MIER1: variants seen among roughly 807,000 people sequenced by gnomAD.
The protein encoded by MIER1 is mesoderm induction early response protein 1.
A neutral mutation model predicts 75.7 loss-of-function variants in MIER1; 40 were observed. That is an observed-to-expected ratio of 0.53 (90% CI 0.41 to 0.69). The LOEUF is 0.69. Among genes scored for constraint, MIER1 ranks in the 30% least tolerant of loss-of-function variants. The pLI, the probability that MIER1 is intolerant of heterozygous loss-of-function variation, is 0.00. For missense variants in MIER1, 574 were observed against 680.2 expected (o/e 0.84, Z 1.74); for synonymous variants, 213 against 223.4 (o/e 0.95, Z 0.42).
intron 2 of MIER1, among the ~76,000 whole-genome samples, chr1:66,930,618 G>C (rs936713970): frequency 1.3e-5 from 2 of 152,104 alleles, no homozygotes; most frequent in South Asian, 2.1e-4. Flanking sequence ...CTTGGACTTC[G>C]GGGGCAGTTT....
chr1:66,966,567 G>C (rs1239602188), intron 8 of MIER1, among the ~76,000 whole-genome samples: 2 of 152,182 alleles, frequency 1.3e-5, no homozygotes, highest in Non-Finnish European at 2.9e-5. Flanking sequence ...GGGATGGCTG[G>C]GTCAAATGGT....
At chr1:66,960,584 AGG>A (rs1393593379) in intron 7 of MIER1, among the ~76,000 whole-genome samples, 1 of 152,168 alleles carries the variant, frequency 6.6e-6, no homozygotes, top group African/African-American at 2.4e-5. Context: ...AGGCTGAGGT[AGG>A]GAGAATCACT....
intron 2 of MIER1, among the ~76,000 whole-genome samples, chr1:66,931,848 CAGTT>C (rs200607054): frequency 0.025 from 3,759 of 152,144 alleles, 60 homozygotes; most frequent in Non-Finnish European, 0.04. Context: ...TACATTTTGT[CAGTT>C]AGTGTCTTCA....
At position 66,985,092 on chromosome 1, in the gene MIER1, T is replaced by C. The variant is rs1231389831; in HGVS notation, c.*192T>C. ...TTTACTTTAAAGCTGTCAGACTCTT[T>C]TAAGGGTATTTTAAAAATTAGTAAA... On this transcript the variant is annotated 3_prime_UTR_variant, in exon 14 of 14. Transcript: ENST00000401041. The C allele has an allele frequency of 8.6e-6, 11 of 1,278,546 alleles. No homozygotes were observed. The highest frequency in any genetic ancestry group is 9.9e-6 in the Non-Finnish European group (10 of 1,007,326). 79.2% of individuals were successfully genotyped at this position (1,278,546 alleles called of 1,614,324 possible).
Position 66,958,057 on chromosome 1 carries a change from A to G in MIER1, c.340-2A>G. 2 of 1,567,564 alleles carry G rather than the reference A, an allele frequency of 1.3e-6. No individual in the cohort carries two copies. Reference sequence around the variant, plus strand: ...GATTACCTTTTATTTTGATTTATTTAGGAAGGCGACATGCCAATTCATGAA... The same window carrying G: ...GATTACCTTTTATTTTGATTTATTTGGGAAGGCGACATGCCAATTCATGAA... On this transcript the variant is annotated splice_acceptor_variant, in intron 4 of 13. Transcript: ENST00000401041. LOFTEE classifies it high-confidence loss of function.
At chr1:66,982,025 T>A in intron 13 of MIER1, 107 bp downstream of exon 13, 1 of 1,088,696 alleles carries the variant, frequency 9.2e-7, no homozygotes, top group Non-Finnish European at 1.4e-6. Flanking sequence ...GAGCAGAAAG[T>A]AAAAAATGAT....
intron 2 of MIER1, among the ~76,000 whole-genome samples, chr1:66,932,087 A>T (rs1010809951): frequency 6.6e-6 from 1 of 152,192 alleles, no homozygotes; most frequent in African/African-American, 2.4e-5. Flanking sequence ...TTGCCGAGGG[A>T]ACTAAAAAAT....
rs1207308785 is a variant in MIER1 at position 66,930,283 on chromosome 1, G to A, written c.168+4041G>A. ...TCCCGCCGAGGCAGTGGCGGCGGGAGCGGCAGAGACGGCAGCGGCCGGAGT... is the reference window on the plus strand; with the variant it reads ...TCCCGCCGAGGCAGTGGCGGCGGGAACGGCAGAGACGGCAGCGGCCGGAGT... On this transcript the variant is annotated intron_variant, in intron 2 of 13. Coordinates refer to ENST00000401041, the MANE Select transcript of MIER1 (RefSeq NM_001077700.3). The A allele has an allele frequency of 5.2e-6, 8 of 1,544,462 alleles. No individual in the cohort carries two copies. The African/African-American group carries it at 5.7e-5, about 11-fold the overall frequency.
At chr1:66,949,391 C>G (rs562252649) in intron 4 of MIER1, among the ~76,000 whole-genome samples, 1 of 152,176 alleles carries the variant, frequency 6.6e-6, no homozygotes, top group South Asian at 2.1e-4. Context: ...TTCCTTTCCC[C>G]AGCCCCATAT....
chr1:66,974,189 G>A (rs1009065081), intron 11 of MIER1, among the ~76,000 whole-genome samples: 1 of 151,740 alleles, frequency 6.6e-6, no homozygotes. Context: ...GCAGTTTACC[G>A]CAGATAACAC....
At chr1:66,955,172 A>T (rs1482725006) in intron 4 of MIER1, among the ~76,000 whole-genome samples, 1 of 152,066 alleles carries the variant, frequency 6.6e-6, no homozygotes, top group African/African-American at 2.4e-5. Flanking sequence ...TTTGACAAAT[A>T]TTTGAGCTGG....
intron 4 of MIER1, among the ~76,000 whole-genome samples, chr1:66,952,861 T>G (rs1314267557): frequency 6.6e-6 from 1 of 152,152 alleles, no homozygotes; most frequent in Non-Finnish European, 1.5e-5. Flanking sequence ...CCCAGGCTGG[T>G]CTCGAACTCC....
intron 3 of MIER1, among the ~76,000 whole-genome samples, chr1:66,942,449 A>T (rs1292630986): frequency 1.3e-5 from 2 of 152,168 alleles, no homozygotes; most frequent in Admixed American, 1.3e-4. Context: ...TACAAACTGA[A>T]TTTACCTTTG....
At position 66,959,721 on chromosome 1, in the gene MIER1, T is replaced by G; in HGVS notation, c.677T>G (p.Ile226Ser). ...EEESEEDEDY[I>S]PSEDWKKEIM... ...GAATCTGAAGAAGATGAAGATTATA[T>G]TCCATCAGAAGACTGGAAAAAGGTA... The change falls in exon 7 of 14, where the codon ATT becomes AGT. Residue 226 changes from isoleucine to serine, a missense_variant. By Grantham distance (142) the Ile-to-Ser change is moderately radical. Around this residue, in one of 3 missense-constraint regions of MIER1, gnomAD observed 309 missense variants for 352.8 expected, o/e 0.88. Coordinates refer to ENST00000401041, the MANE Select transcript of MIER1 (RefSeq NM_001077700.3). 2.1e-6 allele frequency: 3 copies of G among 1,434,556 alleles called. No individual in the cohort carries two copies. The highest frequency in any genetic ancestry group is 1.5e-5 in the African/African-American group (1 of 67,584). The allele number at this position is 1,434,556 out of a possible 1,614,324, so 88.9% of individuals were successfully genotyped here. A position where few individuals can be genotyped will look rare whatever the true frequency, so the allele number is the denominator to read the frequency against.
chr1:66,966,247 C>G (rs188581362), intron 8 of MIER1, among the ~76,000 whole-genome samples: 1 of 152,180 alleles, frequency 6.6e-6, no homozygotes, highest in Non-Finnish European at 1.5e-5. Context: ...CAAGTGTTCT[C>G]ATTGTTCACT....
intron 13 of MIER1, 40 bp from the exon 14 acceptor site, chr1:66,984,523 ATTTAACTTT>A: frequency 7.2e-7 from 1 of 1,391,138 alleles, no homozygotes; most frequent in Admixed American, 2.3e-5. Context: ...TAGTTTGCAA[ATTTAACTTT>A]TTTCTAATTG....
At chr1:66,956,792 T>G (rs1290070197) in intron 4 of MIER1, among the ~76,000 whole-genome samples, 3 of 152,228 alleles carry the variant, frequency 2.0e-5, no homozygotes, top group African/African-American at 7.2e-5. Context: ...TAATGGGAAA[T>G]AGAAGTTTTG....
At chr1:66,970,293 A>G (rs1663338933) in intron 8 of MIER1, among the ~76,000 whole-genome samples, 1 of 152,210 alleles carries the variant, frequency 6.6e-6, no homozygotes, top group Non-Finnish European at 1.5e-5. Context: ...AGTAAAATTT[A>G]CTTCAAATCC....
In MIER1 at chr1:66,985,296, A is replaced by C. The variant is rs1217772300; in HGVS notation, c.*396A>C. Reference sequence around the variant, plus strand: ...TTGCTTAGTTTGATGGATGAATGGGAAACTCAAGTCCAAATTTCTGCTTAA... The same window carrying C: ...TTGCTTAGTTTGATGGATGAATGGGCAACTCAAGTCCAAATTTCTGCTTAA... On this transcript the variant is annotated 3_prime_UTR_variant, in exon 14 of 14. Coordinates refer to ENST00000401041, the MANE Select transcript of MIER1 (RefSeq NM_001077700.3). 2 of 985,196 alleles carry C rather than the reference A, an allele frequency of 2.0e-6. No homozygotes were observed. The highest frequency in any genetic ancestry group is 2.4e-6 in the Non-Finnish European group (2 of 829,696). 61.0% of individuals were successfully genotyped at this position (985,196 alleles called of 1,614,324 possible).
Sources: allele counts gnomAD v4.1 joint callset (sites outside exome capture counted in the v4.1 genomes callset), GRCh38; gene constraint gnomAD v4.1.1; regional missense constraint gnomAD v4.1.1; transcripts MANE v1.5; gene names NCBI Gene and HGNC (gene_info 2026-07-23, HGNC 2026-07-21).